The following EXOC1 variants were observed in gnomAD, a reference collection of about 807,000 sequenced individuals.
The protein encoded by EXOC1 is SEC3-like 1.
Under a neutral mutation model 107.7 loss-of-function variants are expected in EXOC1, and 67 were observed. That is an observed-to-expected ratio of 0.62 (90% CI 0.51 to 0.76). The LOEUF is 0.76. EXOC1 is among the 30% of genes least tolerant of loss of function. EXOC1 has a pLI of 0.00. For synonymous variants in EXOC1, 348 were observed against 353.5 expected, an observed-to-expected ratio of 0.98 and a Z score of 0.17; for missense variants, 833 against 1,055.7, an observed-to-expected ratio of 0.79 and a Z score of 2.92.
At chr4:55,863,098 C>T (rs1007993942) in intron 3 of EXOC1, among the ~76,000 whole-genome samples, 5 of 152,024 alleles carry the variant, frequency 3.3e-5, no homozygotes, top group African/African-American at 1.2e-4. Flanking sequence ...AAGTGTTTTG[C>T]CATGTTGCCC....
intron 15 of EXOC1, among the ~76,000 whole-genome samples, chr4:55,894,922 C>T (rs1725031739): frequency 6.6e-6 from 1 of 152,064 alleles, no homozygotes; most frequent in Non-Finnish European, 1.5e-5. Context: ...GGCCATCTAT[C>T]CATTACATTT....
chr4:55,873,407 C>T (rs1388725439), intron 8 of EXOC1, among the ~76,000 whole-genome samples: 1 of 152,088 alleles, frequency 6.6e-6, no homozygotes, highest in East Asian at 1.9e-4. Context: ...TAGGTACTTA[C>T]TTCAATAACA....
chr4:55,897,085 A>AT (rs926942758), intron 16 of EXOC1, among the ~76,000 whole-genome samples, 185 bp downstream of exon 16: 9 of 150,874 alleles, frequency 6.0e-5, no homozygotes, highest in Non-Finnish European at 1.3e-4. Context: ...AACCACTTAC[A>AT]TTTTAGGGTT....
rs766247298 is a variant in EXOC1 at position 55,870,870 on chromosome 4, A to G, written c.796A>G (p.Asn266Asp). The G allele has an allele frequency of 5.0e-6, 8 of 1,613,908 alleles. No homozygotes were observed. The highest frequency in any genetic ancestry group is 1.1e-5 in the South Asian group (1 of 91,070). The change falls in exon 6 of 19, where the codon AAT becomes GAT. Residue 266 changes from asparagine (N) to aspartate (D), a missense_variant. Asn to Asp is a conservative substitution (Grantham distance 23, BLOSUM62 1). Coordinates refer to ENST00000381295, the MANE Select transcript of EXOC1 (RefSeq NM_001024924.2). ...CCTAATTCATCTTAGTAACACTAAT[A>G]ATGTAAAACTCCTATCTGAGATAGA... ...NHLIHLSNTNNVKLLSEIEFL... is the reference protein window; with the variant it reads ...NHLIHLSNTNDVKLLSEIEFL...
At chr4:55,865,751 G>A (rs1451434150) in intron 4 of EXOC1, among the ~76,000 whole-genome samples, 1 of 151,704 alleles carries the variant, frequency 6.6e-6, no homozygotes, top group African/African-American at 2.4e-5. Context: ...ACCCTACCTG[G>A]ATCTGCCTCA....
chr4:55,868,748 G>C (rs943973418), intron 5 of EXOC1: 5 of 384,170 alleles, frequency 1.3e-5, no homozygotes, highest in African/African-American at 2.0e-5. Flanking sequence ...CTGGATTTGG[G>C]GAGGTTCTTG....
chr4:55,897,822 GC>G (rs1215444495), intron 16 of EXOC1, among the ~76,000 whole-genome samples: 1 of 152,136 alleles, frequency 6.6e-6, no homozygotes, highest in Non-Finnish European at 1.5e-5. Flanking sequence ...CACCATGTTG[GC>G]CAGACTTGTC....
intron 3 of EXOC1, among the ~76,000 whole-genome samples, chr4:55,863,112 C>T (rs1271863700): frequency 1.3e-5 from 2 of 151,998 alleles, no homozygotes; most frequent in Non-Finnish European, 2.9e-5. Flanking sequence ...GTTGCCCAGG[C>T]CAGTCTCAAA....
In EXOC1 at chr4:55,871,250, T is replaced by TG. The variant is rs1722413875; in HGVS notation, c.964+18dup. The TG allele has an allele frequency of 2.5e-6, 4 of 1,594,758 alleles. No homozygotes were observed. The highest frequency in any genetic ancestry group is 1.8e-5 in the Admixed American group (1 of 57,080). ...TTCGACCAGGTATGTTCATTAGAAA[T>TG]GACAAAAATGTGACCAAGAATGTGA... On this transcript the variant is annotated intron_variant, in intron 7 of 18. Transcript: ENST00000381295.
intron 9 of EXOC1, among the ~76,000 whole-genome samples, chr4:55,879,034 C>G (rs1483146529): frequency 1.3e-5 from 2 of 152,196 alleles, no homozygotes; most frequent in African/African-American, 4.8e-5. Context: ...TGATGCCAAA[C>G]TTGCTGGGCT....
intron 8 of EXOC1, among the ~76,000 whole-genome samples, chr4:55,874,891 T>C (rs1394800711): frequency 6.6e-6 from 1 of 152,166 alleles, no homozygotes; most frequent in Middle Eastern, 3.2e-3. Context: ...ATTGAGGAAA[T>C]ATTTGCATAA....
chr4:55,883,601 A>C (rs1723606713), intron 9 of EXOC1: 1 of 359,562 alleles, frequency 2.8e-6, no homozygotes, highest in Admixed American at 4.8e-5. Flanking sequence ...GAAAATATAA[A>C]TATGGTTATG....
intron 4 of EXOC1, among the ~76,000 whole-genome samples, chr4:55,865,318 C>G (rs1721859385): frequency 6.6e-6 from 1 of 152,084 alleles, no homozygotes; most frequent in Admixed American, 6.6e-5. Context: ...CCTAAAGATA[C>G]AAACATTGTA....
Position 55,896,822 on chromosome 4 carries a change from T to G in EXOC1, c.2059T>G (p.Ser687Ala). 6.2e-7 allele frequency: 1 copy of G among 1,612,072 alleles called. No individual in the cohort carries two copies. The highest frequency in any genetic ancestry group is 8.5e-7 in the Non-Finnish European group (1 of 1,179,352). Residue 687 changes from serine (S) to alanine (A), a missense_variant, in exon 16 of 19, where the codon TCA becomes GCA. By Grantham distance (99) the Ser-to-Ala change is moderately conservative. Around this residue, in one of 2 missense-constraint regions of EXOC1, gnomAD observed 216 missense variants for 354.4 expected, o/e 0.61. Coordinates refer to ENST00000381295, the MANE Select transcript of EXOC1 (RefSeq NM_001024924.2). Reference protein sequence around the residue: ...EFEEFAGLAESIFKNAERRGD... With the variant: ...EFEEFAGLAEAIFKNAERRGD... ...TGAAGAATTTGCTGGACTTGCAGAA[T>G]CAATCTTCAAAAATGCTGAGCGTCG...
At chr4:55,863,472 A>T (rs1275906685) in intron 3 of EXOC1, among the ~76,000 whole-genome samples, 1 of 152,048 alleles carries the variant, frequency 6.6e-6, no homozygotes, top group African/African-American at 2.4e-5. Context: ...AAAATTAGGC[A>T]TGCTGGTATG....
chr4:55,883,650 G>C (rs1316408238), intron 9 of EXOC1, 173 bp from the exon 10 acceptor site: 1 of 463,252 alleles, frequency 2.2e-6, no homozygotes, highest in East Asian at 3.8e-5. Context: ...ATGTTATGAT[G>C]CCTATTCAAT....
intron 15 of EXOC1, 36 bp from the exon 16 acceptor site, chr4:55,896,681 G>T (rs956359368): frequency 2.0e-6 from 3 of 1,520,962 alleles, no homozygotes; most frequent in East Asian, 4.6e-5. Flanking sequence ...AAAGTTGCTT[G>T]GTTATTTATC....
rs1724845924 is a variant in EXOC1 at position 55,893,682 on chromosome 4, CAT to C, written c.1856_1857del (p.His619ArgfsTer29). The C allele has an allele frequency of 6.2e-7, 1 of 1,613,986 alleles. No homozygotes were observed. Among genetic ancestry groups the C allele is most frequent in the African/African-American group, 1.3e-5 (1 of 74,928 alleles). On this transcript the variant is annotated frameshift_variant, in exon 15 of 19. Transcript: ENST00000381295. LOFTEE classifies it high-confidence loss of function. ...TTATATGTTAGTCAAAATGAGTCAT[CAT>C]GTGTGGACTGCACAAAATGTGGACC... ...SLYMLVKMSH[H>X]VWTAQNVDPA...
At chr4:55,902,988 A>C (rs537355952) in intron 18 of EXOC1, among the ~76,000 whole-genome samples, 3 of 151,732 alleles carry the variant, frequency 2.0e-5, no homozygotes. Context: ...ACTAAAAATT[A>C]AAAAAATTAG....
Sources: allele counts gnomAD v4.1 joint callset (sites outside exome capture counted in the v4.1 genomes callset), GRCh38; gene constraint gnomAD v4.1.1; regional missense constraint gnomAD v4.1.1; transcripts MANE v1.5; gene names NCBI Gene and HGNC (gene_info 2026-07-23, HGNC 2026-07-21).